The following PTPN14 variants were observed in gnomAD, a reference collection of about 807,000 sequenced individuals.
PTPN14 encodes the protein tyrosine-protein phosphatase non-receptor type 14.
Under a neutral mutation model 126.8 loss-of-function variants are expected in PTPN14, and 53 were observed. The observed-to-expected ratio is 0.42, with a 90% confidence interval of 0.34 to 0.53. The LOEUF (loss-of-function observed/expected upper bound fraction) is 0.53. PTPN14 is among the 20% of genes least tolerant of loss of function. The pLI, the probability that PTPN14 is intolerant of heterozygous loss-of-function variation, is 0.08. For synonymous variants in PTPN14, 630 were observed against 599.3 expected, an observed-to-expected ratio of 1.05 and a Z score of -0.75; for missense variants, 1,257 against 1,552.9, an observed-to-expected ratio of 0.81 and a Z score of 3.20.
At chr1:214,488,788 A>G (rs954899487) in intron 1 of PTPN14, among the ~76,000 whole-genome samples, 5 of 152,220 alleles carry the variant, frequency 3.3e-5, no homozygotes, top group Admixed American at 6.5e-5. Flanking sequence ...GTGCTTAAGA[A>G]GATTTTTGCA....
chr1:214,480,315 A>T (rs1660957553), intron 1 of PTPN14, among the ~76,000 whole-genome samples: 1 of 152,272 alleles, frequency 6.6e-6, no homozygotes, highest in African/African-American at 2.4e-5. Context: ...CTGAAACAAT[A>T]TGTTTTCTTA....
intron 13 of PTPN14, 97 bp from the exon 14 acceptor site, chr1:214,378,199 G>T (rs568653648): frequency 7.1e-7 from 1 of 1,409,786 alleles, no homozygotes. Flanking sequence ...CCCAGCCAAG[G>T]AATGCAGACA....
intron 1 of PTPN14, among the ~76,000 whole-genome samples, chr1:214,505,178 CA>C (rs1654807195): frequency 7.2e-6 from 1 of 138,170 alleles, no homozygotes; most frequent in Non-Finnish European, 1.5e-5. Context: ...GAATACCCGC[CA>C]GGGAAAAAAA....
chr1:214,410,880 G>A (rs1659292521), intron 5 of PTPN14, among the ~76,000 whole-genome samples: 1 of 152,152 alleles, frequency 6.6e-6, no homozygotes, highest in South Asian at 2.1e-4. Context: ...TTGAAATAAG[G>A]TAGTGTGGTA....
At chr1:214,532,720 C>A in intron 1 of PTPN14, 1 of 788,380 alleles carries the variant, frequency 1.3e-6, no homozygotes, top group Non-Finnish European at 2.3e-6. Flanking sequence ...CTGTGGAGAG[C>A]AGCATTACGG....
chr1:214,426,666 A>G (rs1411616026), intron 3 of PTPN14, among the ~76,000 whole-genome samples: 1 of 152,184 alleles, frequency 6.6e-6, no homozygotes, highest in Non-Finnish European at 1.5e-5. Flanking sequence ...AAATTCTTCA[A>G]TTCTTTCATT....
chr1:214,403,720 T>C (rs1659092957), intron 5 of PTPN14, among the ~76,000 whole-genome samples: 2 of 152,176 alleles, frequency 1.3e-5, no homozygotes, highest in African/African-American at 2.4e-5. Context: ...TGAGATGGAA[T>C]CAAGAGGAAT....
chr1:214,382,047 T>G (rs1658484548), intron 13 of PTPN14, among the ~76,000 whole-genome samples: 1 of 151,854 alleles, frequency 6.6e-6, no homozygotes, highest in African/African-American at 2.4e-5. Context: ...GGATTACAGG[T>G]GCACGCCACC....
intron 8 of PTPN14, among the ~76,000 whole-genome samples, chr1:214,396,922 C>T (rs1221010247): frequency 6.6e-6 from 1 of 152,192 alleles, no homozygotes; most frequent in African/African-American, 2.4e-5. Flanking sequence ...TTAATTTATA[C>T]TTTGTGGCAG....
chr1:214,533,359 T>C lies in PTPN14; in HGVS notation c.-155+17824A>G. ...CGGTGAGGACTTCAATCTTCAATCT[T>C]GGTGATGGACAGCAGCAACTCCACG... On this transcript the variant is annotated intron_variant, in intron 1 of 18. Coordinates refer to ENST00000366956, the MANE Select transcript of PTPN14 (RefSeq NM_005401.5). 7 of 478,678 alleles carry C rather than the reference T, an allele frequency of 1.5e-5. 1 individual carries two copies. Among genetic ancestry groups the C allele is most frequent in the South Asian group, 1.3e-4 (7 of 54,670 alleles). The allele number at this position is 478,678 out of a possible 1,614,324, so 29.7% of individuals were successfully genotyped here. A position where few individuals can be genotyped will look rare whatever the true frequency, so the allele number is the denominator to read the frequency against.
At chr1:214,366,900 C>T (rs1162855422) in intron 17 of PTPN14, among the ~76,000 whole-genome samples, 9 of 149,694 alleles carry the variant, frequency 6.0e-5, no homozygotes, top group African/African-American at 1.5e-4. Flanking sequence ...AGGAGAATGG[C>T]GTGAACTCGG....
chr1:214,467,628 G>T (rs773334869), intron 1 of PTPN14, among the ~76,000 whole-genome samples: 18 of 152,148 alleles, frequency 1.2e-4, no homozygotes, highest in Non-Finnish European at 2.2e-4. Context: ...AGAGCTACTT[G>T]ATATTAAATA....
intron 3 of PTPN14, among the ~76,000 whole-genome samples, chr1:214,424,670 G>C (rs1431442552): frequency 6.6e-6 from 1 of 152,032 alleles, no homozygotes; most frequent in Non-Finnish European, 1.5e-5. Context: ...TGGGACTAAA[G>C]GTGTGTGCCA....
chr1:214,399,381 T>C (rs1486053374), intron 7 of PTPN14, among the ~76,000 whole-genome samples: 1 of 152,248 alleles, frequency 6.6e-6, no homozygotes, highest in Non-Finnish European at 1.5e-5. Flanking sequence ...TAAGAGACAA[T>C]CTCTGGATTT....
intron 1 of PTPN14, among the ~76,000 whole-genome samples, chr1:214,473,452 A>AT (rs975756592): frequency 3.9e-5 from 6 of 151,976 alleles, no homozygotes; most frequent in African/African-American, 4.8e-5. Flanking sequence ...TTAACTCTTT[A>AT]TTTTTTTTCT....
At chr1:214,428,246 T>C (rs1284424051) in intron 3 of PTPN14, among the ~76,000 whole-genome samples, 3 of 152,172 alleles carry the variant, frequency 2.0e-5, no homozygotes, top group Non-Finnish European at 2.9e-5. Context: ...AGGCTGGATG[T>C]GGTGTATGGG....
intron 3 of PTPN14, 40 bp from the exon 4 acceptor site, chr1:214,414,766 C>T (rs751489543): frequency 2.7e-6 from 4 of 1,494,652 alleles, no homozygotes; most frequent in African/African-American, 1.4e-5. Flanking sequence ...CTTAAAAACA[C>T]ATACTTGGAA....
intron 2 of PTPN14, among the ~76,000 whole-genome samples, chr1:214,454,709 T>A (rs1466200755): frequency 6.6e-6 from 1 of 152,218 alleles, no homozygotes; most frequent in African/African-American, 2.4e-5. Context: ...TAGAAAAACC[T>A]AATTCATGGC....
chr1:214,378,400 A>G (rs1412782191), intron 13 of PTPN14, among the ~76,000 whole-genome samples: 1 of 152,260 alleles, frequency 6.6e-6, no homozygotes, highest in Admixed American at 6.5e-5. Context: ...AAACAAAAAC[A>G]AAATAGGGTA....
Sources: allele counts gnomAD v4.1 joint callset (sites outside exome capture counted in the v4.1 genomes callset), GRCh38; gene constraint gnomAD v4.1.1; transcripts MANE v1.5; gene names NCBI Gene and HGNC (gene_info 2026-07-23, HGNC 2026-07-21).